The following ANTXR1 variants were observed in gnomAD, a reference collection of about 807,000 sequenced individuals.
ANTXR1 encodes ANTXR cell adhesion molecule 1, also known as anthrax toxin receptor 1.
A neutral mutation model predicts 78.1 loss-of-function variants in ANTXR1; 19 were observed. The observed-to-expected ratio is 0.24, with a 90% CI of 0.17 to 0.36. The LOEUF (loss-of-function observed/expected upper bound fraction) is 0.36. Ranked by LOEUF, ANTXR1 falls within the 10% of genes least tolerant of loss-of-function variation. The pLI is 1.00. For missense variants in ANTXR1, 518 were observed against 718.6 expected (o/e 0.72, Z 3.19); for synonymous variants, 273 against 260.5 (o/e 1.05, Z -0.46).
chr2:69,161,806 C>A (rs970011313), intron 13 of ANTXR1, among the ~76,000 whole-genome samples: 3 of 152,128 alleles, frequency 2.0e-5, no homozygotes, highest in African/African-American at 7.2e-5. Context: ...TCTGGATTGG[C>A]ATTTCTTCTA....
intron 14 of ANTXR1, among the ~76,000 whole-genome samples, chr2:69,177,837 A>G (rs1558624182): frequency 6.6e-6 from 1 of 152,020 alleles, no homozygotes; most frequent in Non-Finnish European, 1.5e-5. Flanking sequence ...ACTCGGGGGG[A>G]TTGGGGGTCG....
chr2:69,220,373 A>C (rs1314491273), intron 17 of ANTXR1, among the ~76,000 whole-genome samples: 1 of 152,190 alleles, frequency 6.6e-6, no homozygotes, highest in African/African-American at 2.4e-5. Flanking sequence ...TCTTTCTCTT[A>C]AAGTGGGTTT....
intron 3 of ANTXR1, among the ~76,000 whole-genome samples, chr2:69,055,894 C>A (rs958091314): frequency 6.6e-6 from 1 of 152,152 alleles, no homozygotes; most frequent in Non-Finnish European, 1.5e-5. Flanking sequence ...TTGGGCTCCA[C>A]CACCATGTGC....
intron 1 of ANTXR1, among the ~76,000 whole-genome samples, chr2:69,036,618 C>G (rs1054852084): frequency 1.3e-5 from 2 of 152,160 alleles, no homozygotes; most frequent in Non-Finnish European, 2.9e-5. Context: ...TCACCCTACC[C>G]CCTCAGTAAC....
At chr2:69,124,425 A>G in intron 11 of ANTXR1, 140 bp from the exon 12 acceptor site, 1 of 765,360 alleles carries the variant, frequency 1.3e-6, no homozygotes, top group Admixed American at 1.9e-5. Context: ...GGAAACTCAG[A>G]CCCCTCCTCC....
chr2:69,188,116 G>A (rs1052169894), intron 16 of ANTXR1, among the ~76,000 whole-genome samples: 6 of 147,942 alleles, frequency 4.1e-5, no homozygotes, highest in Non-Finnish European at 9.0e-5. Context: ...TTTTTTGTTT[G>A]TTTGATTTAA....
rs1218991441 is a variant in ANTXR1, at chr2:69,102,927, C to T, written c.789C>T (p.Asp263=). 2.5e-6 allele frequency: 4 copies of T among 1,614,156 alleles called. No individual in the cohort carries two copies. The highest frequency in any genetic ancestry group is 2.2e-5 in the South Asian group (2 of 91,078). ...DRVLCSFKIN[D]SVTLNEKPFS... Reference sequence around the variant, plus strand: ...TCCTCTGCAGCTTCAAGATCAATGACTCGGTCACACTCAGTAAGTCCTTGC... The same window carrying T: ...TCCTCTGCAGCTTCAAGATCAATGATTCGGTCACACTCAGTAAGTCCTTGC... The change falls in exon 10 of 18, where the codon GAC becomes GAT. Residue 263 remains aspartate (D), a synonymous_variant. Transcript: ENST00000303714.
At chr2:69,220,280 A>G (rs959574558) in intron 17 of ANTXR1, among the ~76,000 whole-genome samples, 1 of 152,184 alleles carries the variant, frequency 6.6e-6, no homozygotes, top group Non-Finnish European at 1.5e-5. Flanking sequence ...CTCATCATAC[A>G]GAGCTGCTGA....
intron 9 of ANTXR1, among the ~76,000 whole-genome samples, chr2:69,099,770 A>G (rs1671550630): frequency 6.6e-6 from 1 of 152,228 alleles, no homozygotes; most frequent in South Asian, 2.1e-4. Context: ...ACCTGAATAA[A>G]TGATCACCCT....
chr2:69,058,052 A>C (rs1670117072), intron 3 of ANTXR1, among the ~76,000 whole-genome samples: 1 of 152,202 alleles, frequency 6.6e-6, no homozygotes, highest in African/African-American at 2.4e-5. Context: ...GAAGCTGCAG[A>C]AAAAAAGTTT....
At chr2:69,207,870 A>G (rs1674946693) in intron 17 of ANTXR1, among the ~76,000 whole-genome samples, 1 of 152,190 alleles carries the variant, frequency 6.6e-6, no homozygotes, top group Non-Finnish European at 1.5e-5. Flanking sequence ...CTTAGTGGAG[A>G]CATAGTCAGG....
chr2:69,207,148 A>G lies in ANTXR1; in HGVS notation c.1434+13733A>G, dbSNP rs775936924. Among the ~76,000 whole-genome samples the G allele has an allele frequency of 6.7e-5, 10 of 149,770 alleles. No homozygotes were observed. In the South Asian group the frequency reaches 8.3e-4, roughly 12 times the overall value. On this transcript the variant is annotated intron_variant, in intron 17 of 17. Transcript: ENST00000303714. ...GCAAAACTTACCCAATTTCTGTCCA[A>G]AAAAAAAGTCCAAGACTAGGTCGAT...
chr2:69,082,632 T>A (rs1439462927), intron 8 of ANTXR1, among the ~76,000 whole-genome samples: 2 of 151,944 alleles, frequency 1.3e-5, no homozygotes. Flanking sequence ...TGGGTTCAGA[T>A]AACACCGAGA....
chr2:69,073,785 G>C (rs1318985280), intron 6 of ANTXR1, among the ~76,000 whole-genome samples: 4 of 152,108 alleles, frequency 2.6e-5, no homozygotes, highest in Non-Finnish European at 5.9e-5. Context: ...TGAGCTATAT[G>C]CATAATTAGT....
At chr2:69,146,765 G>A (rs570372367) in intron 12 of ANTXR1, among the ~76,000 whole-genome samples, 82 of 152,354 alleles carry the variant, frequency 5.4e-4, no homozygotes, top group African/African-American at 1.9e-3. Flanking sequence ...CATCTGAGAT[G>A]AGGCCTGGGC....
intron 14 of ANTXR1, 22 bp downstream of exon 14, chr2:69,170,311 G>A (rs762081979): frequency 1.9e-6 from 3 of 1,613,592 alleles, no homozygotes; most frequent in Non-Finnish European, 2.5e-6. Context: ...CAGCAGGATG[G>A]CAGTGGGTGG....
intron 2 of ANTXR1, among the ~76,000 whole-genome samples, chr2:69,042,916 C>T (rs1336445305): frequency 6.6e-6 from 1 of 152,168 alleles, no homozygotes; most frequent in Non-Finnish European, 1.5e-5. Flanking sequence ...TCTCACTGGC[C>T]TCAGCCAGCC....
chr2:69,115,354 A>G (rs1032065977), intron 10 of ANTXR1, among the ~76,000 whole-genome samples: 2 of 152,198 alleles, frequency 1.3e-5, no homozygotes, highest in African/African-American at 4.8e-5. Context: ...CACATCCACA[A>G]CTTGTGTTTT....
chr2:69,064,854 TCAA>T (rs1387512576), intron 3 of ANTXR1, among the ~76,000 whole-genome samples: 1 of 152,160 alleles, frequency 6.6e-6, no homozygotes, highest in African/African-American at 2.4e-5. Context: ...ACCCAGCATA[TCAA>T]CATTTGTGGG....
Sources: allele counts gnomAD v4.1 joint callset (sites outside exome capture counted in the v4.1 genomes callset), GRCh38; gene constraint gnomAD v4.1.1; transcripts MANE v1.5; gene names NCBI Gene and HGNC (gene_info 2026-07-23, HGNC 2026-07-21).